The following MARCHF1 variants were observed in gnomAD, a reference collection of about 807,000 sequenced individuals.
The protein encoded by MARCHF1 is E3 ubiquitin-protein ligase MARCHF1.
MARCHF1 carries 40 observed loss-of-function variants against 54.2 expected under a neutral mutation model. The observed-to-expected ratio is 0.74, with a 90% CI of 0.57 to 0.96. The LOEUF is 0.96. Ranked by LOEUF, MARCHF1 falls within the 40% of genes least tolerant of loss-of-function variation. MARCHF1 has a pLI of 0.00. For missense variants in MARCHF1, 586 were observed against 656.5 expected, an observed-to-expected ratio of 0.89 and a Z score of 1.17; for synonymous variants, 236 against 236.3, an observed-to-expected ratio of 1.00 and a Z score of 0.01.
chr4:163,536,599 A>T (rs1023839257), intron 9 of MARCHF1, among the ~76,000 whole-genome samples: 2 of 152,166 alleles, frequency 1.3e-5, no homozygotes, highest in Non-Finnish European at 2.9e-5. Flanking sequence ...CTTGCTCAGT[A>T]GGTATTTCAA....
chr4:164,315,609 A>G (rs1734975624), intron 1 of MARCHF1, among the ~76,000 whole-genome samples: 1 of 152,196 alleles, frequency 6.6e-6, no homozygotes, highest in Non-Finnish European at 1.5e-5. Flanking sequence ...TTTATGAATG[A>G]TTTAGAACTT....
intron 4 of MARCHF1, among the ~76,000 whole-genome samples, chr4:163,836,452 AGC>A (rs1237934667): frequency 3.4e-5 from 5 of 144,940 alleles, no homozygotes; most frequent in African/African-American, 1.3e-4. Context: ...TCACCATGTT[AGC>A]CAGGATGGTC....
intron 3 of MARCHF1, among the ~76,000 whole-genome samples, chr4:163,886,777 A>G (rs551578681): frequency 7.2e-5 from 11 of 152,240 alleles, no homozygotes; most frequent in African/African-American, 2.6e-4. Flanking sequence ...ATCCTTGATG[A>G]TAATAAAGTC....
At chr4:164,100,938 T>G (rs1755537116) in intron 2 of MARCHF1, among the ~76,000 whole-genome samples, 2 of 152,330 alleles carry the variant, frequency 1.3e-5, no homozygotes, top group South Asian at 4.1e-4. Context: ...GGCGAGGCAT[T>G]GCCTCACTTG....
At chr4:164,027,392 A>AAAAAATAAAAAAAT (rs1553971149) in intron 2 of MARCHF1, among the ~76,000 whole-genome samples, 1 of 58,982 alleles carries the variant, frequency 1.7e-5, no homozygotes, top group Non-Finnish European at 3.3e-5. Flanking sequence ...AAAAAAAAAA[A>AAAAAATAAAAAAAT]AGATACATAG....
intron 1 of MARCHF1, among the ~76,000 whole-genome samples, chr4:164,223,215 G>A (rs1208120329): frequency 6.6e-6 from 1 of 152,024 alleles, no homozygotes; most frequent in Non-Finnish European, 1.5e-5. Flanking sequence ...ATATTTGAAG[G>A]AAAACTTCAA....
intron 1 of MARCHF1, among the ~76,000 whole-genome samples, chr4:164,177,009 T>TATATATAC (rs1553989397): frequency 0.014 from 779 of 55,346 alleles, 114 homozygotes; most frequent in Non-Finnish European, 0.018. Context: ...TATATATATA[T>TATATATAC]ACAAATGATA....
chr4:163,657,377 G>C (rs896174458), intron 5 of MARCHF1, among the ~76,000 whole-genome samples: 8 of 152,004 alleles, frequency 5.3e-5, no homozygotes, highest in African/African-American at 1.9e-4. Context: ...TCTTCAAGGA[G>C]AACTACAAAC....
chr4:163,765,459 A>G (rs1306454863), intron 4 of MARCHF1, among the ~76,000 whole-genome samples: 1 of 152,146 alleles, frequency 6.6e-6, no homozygotes, highest in Non-Finnish European at 1.5e-5. Flanking sequence ...TTATCATTAC[A>G]CTAATCTGTC....
chr4:163,862,391 C>G (rs1000167984), intron 3 of MARCHF1, among the ~76,000 whole-genome samples: 1 of 151,796 alleles, frequency 6.6e-6, no homozygotes, highest in African/African-American at 2.4e-5. Context: ...TAAAAATAAG[C>G]AAATAATCTG....
At position 163,809,704 on chromosome 4, in the gene MARCHF1, C is replaced by T. The variant is rs533669952; in HGVS notation, c.111+44317G>A. Among the ~76,000 whole-genome samples the T allele has an allele frequency of 1.3e-4, 19 of 151,660 alleles. No individual in the cohort carries two copies. The South Asian group carries it at 3.1e-3, about 25-fold the overall frequency. ...TAACATATATCATGTATATTATATA[C>T]ATATACATGTATTTACACATACATG... is the stretch of plus-strand genomic sequence containing the variant. On this transcript the variant is annotated intron_variant, in intron 4 of 9. Transcript: ENST00000514618.
chr4:164,169,194 T>C (rs561672690), intron 1 of MARCHF1, among the ~76,000 whole-genome samples: 3 of 152,200 alleles, frequency 2.0e-5, no homozygotes, highest in African/African-American at 7.2e-5. Context: ...ACCTCAACCA[T>C]ACACAATACA....
chr4:164,142,181 A>G (rs2110865752), intron 1 of MARCHF1, among the ~76,000 whole-genome samples: 1 of 152,300 alleles, frequency 6.6e-6, no homozygotes, highest in South Asian at 2.1e-4. Context: ...ATGCCCACGG[A>G]GACTCGCTGA....
chr4:164,197,359 T>G, intron 1 of MARCHF1: 2 of 1,612,922 alleles, frequency 1.2e-6, no homozygotes, highest in Non-Finnish European at 1.7e-6. Flanking sequence ...TACCTCGCAA[T>G]TGAAAAGGTC....
chr4:164,213,423 G>A (rs1308557941), intron 1 of MARCHF1, among the ~76,000 whole-genome samples: 2 of 151,634 alleles, frequency 1.3e-5, no homozygotes, highest in Non-Finnish European at 2.9e-5. Context: ...TTTTAGTAGA[G>A]ACGGGGTTTC....
At chr4:164,378,014 C>A (rs1731247291) in intron 1 of MARCHF1, among the ~76,000 whole-genome samples, 1 of 152,102 alleles carries the variant, frequency 6.6e-6, no homozygotes, top group Non-Finnish European at 1.5e-5. Flanking sequence ...TGGTTTTGGT[C>A]AACAATAACT....
At chr4:163,671,449 A>T (rs780082387) in intron 5 of MARCHF1, among the ~76,000 whole-genome samples, 2 of 152,186 alleles carry the variant, frequency 1.3e-5, no homozygotes, top group Non-Finnish European at 2.9e-5. Context: ...TATAATAGTT[A>T]TCCGACTTAC....
intron 2 of MARCHF1, among the ~76,000 whole-genome samples, chr4:164,062,219 T>C (rs1184741299): frequency 5.3e-5 from 8 of 152,168 alleles, no homozygotes; most frequent in African/African-American, 1.9e-4. Context: ...ATTGCAGTAA[T>C]TCAGTCACAT....
At chr4:164,362,241 A>T (rs1649177847) in intron 1 of MARCHF1, among the ~76,000 whole-genome samples, 2 of 152,176 alleles carry the variant, frequency 1.3e-5, no homozygotes, top group South Asian at 4.1e-4. Context: ...AGACAGAGAT[A>T]CATACTTTTA....
Sources: allele counts gnomAD v4.1 joint callset (sites outside exome capture counted in the v4.1 genomes callset), GRCh38; gene constraint gnomAD v4.1.1; transcripts MANE v1.5; gene names NCBI Gene and HGNC (gene_info 2026-07-23, HGNC 2026-07-21).